The following ANGPT2 variants were observed in gnomAD, a reference collection of about 807,000 sequenced individuals.
ANGPT2 encodes the protein angiopoietin 2.
In ANGPT2, 28 loss-of-function variants were observed where a neutral mutation model predicts 62.9. The ratio of observed to expected loss-of-function variants is 0.44; its 90% CI spans 0.33 to 0.61. ANGPT2 has a LOEUF of 0.61. ANGPT2 is among the 20% of genes least tolerant of loss of function. The probability of loss-of-function intolerance (pLI) is 0.03; values close to 1 mark genes in which losing one functional copy is unlikely to be tolerated. For synonymous variants in ANGPT2, 284 were observed against 207.8 expected, an observed-to-expected ratio of 1.37 and a Z score of -3.15; for missense variants, 727 against 594.9, an observed-to-expected ratio of 1.22 and a Z score of -2.31.
rs547495524 is a variant in ANGPT2 at position 6,510,590 on chromosome 8, C to A, written c.1197-1528G>T. Among the ~76,000 whole-genome samples the A allele has an allele frequency of 3.0e-4, 45 of 152,336 alleles. 2 individuals are homozygous for A. The highest frequency in any genetic ancestry group is 1.1e-3 in the African/African-American group (45 of 41,582). ...AACCACCTGCAGTGGTGGCCGCCAT[C>A]TTTGTTTTGGCACTGAAAGTCACTG... On this transcript the variant is annotated intron_variant, in intron 7 of 8. Transcript: ENST00000629816.
intron 3 of ANGPT2, among the ~76,000 whole-genome samples, chr8:6,524,204 T>G (rs1360808391): frequency 6.6e-6 from 1 of 152,216 alleles, no homozygotes; most frequent in Non-Finnish European, 1.5e-5. Context: ...ATTCCCTTTT[T>G]TGAGTCCCGT....
intron 2 of ANGPT2, among the ~76,000 whole-genome samples, chr8:6,527,897 C>CTTTTTTTTT (rs1343936237): frequency 1.9e-5 from 2 of 105,958 alleles, no homozygotes. Context: ...CCCCACGTCT[C>CTTTTTTTTT]TATTTTTTTT....
intron 1 of ANGPT2, among the ~76,000 whole-genome samples, chr8:6,539,997 C>G (rs1370344226): frequency 6.6e-6 from 1 of 152,110 alleles, no homozygotes; most frequent in African/African-American, 2.4e-5. Context: ...TATATAACTC[C>G]AAGATGTATT....
intron 1 of ANGPT2, among the ~76,000 whole-genome samples, chr8:6,545,934 CT>C (rs1235773248): frequency 2.0e-5 from 3 of 152,148 alleles, no homozygotes; most frequent in Admixed American, 2.0e-4. Context: ...AATAAAATAA[CT>C]TTGTTCATAT....
intron 1 of ANGPT2, among the ~76,000 whole-genome samples, chr8:6,559,753 T>G (rs77550134): frequency 0.014 from 2,093 of 152,314 alleles, 57 homozygotes; most frequent in African/African-American, 0.048. Context: ...TAAAGTGTGT[T>G]TAATATCACC....
intron 2 of ANGPT2, among the ~76,000 whole-genome samples, chr8:6,528,004 T>G (rs971691455): frequency 1.3e-5 from 2 of 152,092 alleles, no homozygotes. Flanking sequence ...CAAGCAATTC[T>G]TCTGCCTCAT....
chr8:6,538,661 A>C (rs11137037), intron 1 of ANGPT2, among the ~76,000 whole-genome samples: 59,651 of 152,072 alleles, frequency 0.39, 12,226 homozygotes, highest in African/African-American at 0.52. Flanking sequence ...TGCATGCCCT[A>C]AGCAAAGATA....
rs1820098046 is a variant in ANGPT2 at position 6,534,236 on chromosome 8, AC to A, written c.289-1750del. Among the ~76,000 whole-genome samples, 3 of 152,340 alleles carry A rather than the reference AC, an allele frequency of 2.0e-5. No individual in the cohort carries two copies. The South Asian group carries it at 6.2e-4, about 32-fold the overall frequency. On this transcript the variant is annotated intron_variant, in intron 1 of 8. Coordinates refer to ENST00000629816, the MANE Select transcript of ANGPT2 (RefSeq NM_001118887.2). ...AAAAATAACAATACAACAATAAAAA[AC>A]AAAAATTGTAAAACAATACAGTATA...
At chr8:6,548,447 T>C (rs1165665164) in intron 1 of ANGPT2, among the ~76,000 whole-genome samples, 2 of 152,162 alleles carry the variant, frequency 1.3e-5, no homozygotes, top group Admixed American at 1.3e-4. Context: ...TTATCCCCAG[T>C]GGTCGCTAGC....
At chr8:6,518,038 C>G (rs1019106697) in intron 5 of ANGPT2, among the ~76,000 whole-genome samples, 2 of 151,878 alleles carry the variant, frequency 1.3e-5, no homozygotes, top group Admixed American at 1.3e-4. Context: ...TCCCAGAGTA[C>G]TATATATTTT....
rs1394261952 is a variant in ANGPT2 at position 6,532,500 on chromosome 8, A to T, written c.289-13T>A. On this transcript the variant is annotated splice_polypyrimidine_tract_variant and intron_variant, in intron 1 of 8. Transcript: ENST00000629816. ...TATAATTCTCAAGCTAGAAAAGAAC[A>T]GTGTTAGAAGGCAGTCATTAGTCAA... 1 of 1,594,388 alleles carries T rather than the reference A, an allele frequency of 6.3e-7. No individual in the cohort carries two copies. Among genetic ancestry groups the T allele is most frequent in the Non-Finnish European group, 8.6e-7 (1 of 1,169,302 alleles).
At chr8:6,532,218 C>T (rs1819655438) in intron 2 of ANGPT2, 114 bp downstream of exon 2, 37 of 1,203,526 alleles carry the variant, frequency 3.1e-5, no homozygotes, top group Non-Finnish European at 4.4e-5. Flanking sequence ...TTCCTTTTCT[C>T]CTGTGGTGGT....
intron 7 of ANGPT2, among the ~76,000 whole-genome samples, chr8:6,513,230 A>T (rs1815531503): frequency 6.6e-6 from 1 of 152,230 alleles, no homozygotes. Flanking sequence ...AACCCAGAGA[A>T]ACTTAAAGAA....
At chr8:6,504,008 G>A (rs544567686) in intron 8 of ANGPT2, among the ~76,000 whole-genome samples, 2 of 152,228 alleles carry the variant, frequency 1.3e-5, no homozygotes, top group East Asian at 1.9e-4. Context: ...ATATTAAATG[G>A]AAAAATCTAG....
rs530765561 is a variant in ANGPT2, at chr8:6,512,038, T to C, written c.1196+1640A>G. 3.9e-5 allele frequency among the ~76,000 whole-genome samples: 6 copies of C among 152,188 alleles called. No individual in the cohort carries two copies. In the South Asian group the frequency reaches 1.0e-3, roughly 26 times the overall value. ...AAGTTTTGATCTCTTTGGAGTCAAGTTGGAACTGCTGTGAGGCCCAAACAC... is the reference window on the plus strand; with the variant it reads ...AAGTTTTGATCTCTTTGGAGTCAAGCTGGAACTGCTGTGAGGCCCAAACAC... On this transcript the variant is annotated intron_variant, in intron 7 of 8. Transcript: ENST00000629816.
chr8:6,505,251 T>TATG lies in ANGPT2; in HGVS notation c.1328-1991_1328-1990insCAT, dbSNP rs1563305171. On this transcript the variant is annotated intron_variant, in intron 8 of 8. Coordinates refer to ENST00000629816, the MANE Select transcript of ANGPT2 (RefSeq NM_001118887.2). The stretch of plus-strand genomic sequence containing the variant: ...TATGTATATATAGAATATATATTCT[T>TATG]TATATATGTTTTATATATATGTATA... Among the ~76,000 whole-genome samples, 39 of 82,166 alleles carry TATG rather than the reference T, an allele frequency of 4.7e-4. 2 individuals carry two copies. Among genetic ancestry groups the TATG allele is most frequent in the East Asian group, 1.1e-3 (4 of 3,662 alleles). 53.9% of individuals were successfully genotyped at this position (82,166 alleles called of 152,430 possible).
rs1004328548 is a variant in ANGPT2, at chr8:6,543,868, C to G, written c.289-11381G>C. Among the ~76,000 whole-genome samples, 6 of 152,096 alleles carry G rather than the reference C, an allele frequency of 3.9e-5. No homozygotes were observed. The East Asian group carries it at 1.2e-3, about 29-fold the overall frequency. On this transcript the variant is annotated intron_variant, in intron 1 of 8. Coordinates refer to ENST00000629816, the MANE Select transcript of ANGPT2 (RefSeq NM_001118887.2). The stretch of plus-strand genomic sequence containing the variant: ...GGACTTTAAGGAGCTGTACATCTGC[C>G]TGGGCTTTGCAGAAGCTGAAAGGGC...
intron 1 of ANGPT2, among the ~76,000 whole-genome samples, chr8:6,551,225 C>T (rs567195468): frequency 5.4e-5 from 8 of 148,186 alleles, no homozygotes; most frequent in African/African-American, 5.0e-5. Context: ...GCTGCTTATT[C>T]GTGATTTTTT....
At chr8:6,516,458 C>G (rs1816291340) in intron 5 of ANGPT2, among the ~76,000 whole-genome samples, 1 of 152,134 alleles carries the variant, frequency 6.6e-6, no homozygotes, top group Non-Finnish European at 1.5e-5. Flanking sequence ...TTTCCACTGA[C>G]ATCATGCTGC....
Sources: gnomAD v4.1 joint callset for allele counts (sites outside exome capture counted in the v4.1 genomes callset) on GRCh38, gnomAD v4.1.1 for gene constraint, MANE v1.5 for transcripts, NCBI Gene and HGNC (gene_info 2026-07-23, HGNC 2026-07-21) for gene names.